Variants in RAD17 observed in about 807,000 individuals in gnomAD.
The protein encoded by RAD17 is RAD17 checkpoint clamp loader component.
In RAD17, 31 loss-of-function variants were observed where a neutral mutation model predicts 81.5. The ratio of observed to expected loss-of-function variants is 0.38; its 90% CI spans 0.29 to 0.51. RAD17 has a LOEUF of 0.51. RAD17 is among the 20% of genes least tolerant of loss of function. The pLI, the probability that RAD17 is intolerant of heterozygous loss-of-function variation, is 0.88. For missense variants in RAD17, 681 were observed against 781.2 expected, an observed-to-expected ratio of 0.87 and a Z score of 1.53; for synonymous variants, 261 against 266.2, an observed-to-expected ratio of 0.98 and a Z score of 0.19.
chr5:69,414,458 AGTAAAT>A lies in RAD17; in HGVS notation c.*167_*172del. ...GAAACCTACTCTTCTGTCATCTTGA[AGTAAAT>A]AGAAGATCAAGCCTTCAAATCTCTT... On this transcript the variant is annotated 3_prime_UTR_variant, in exon 19 of 19. Transcript: ENST00000354868. The A allele has an allele frequency of 1.2e-6, 1 of 801,976 alleles. No homozygotes were observed. Among genetic ancestry groups the A allele is most frequent in the South Asian group, 1.9e-5 (1 of 52,634 alleles). 49.7% of individuals were successfully genotyped at this position (801,976 alleles called of 1,614,324 possible).
intron 6 of RAD17, among the ~76,000 whole-genome samples, chr5:69,379,357 CTG>C (rs1400360796): frequency 4.6e-5 from 7 of 152,118 alleles, no homozygotes; most frequent in African/African-American, 1.2e-4. Context: ...AAGTCAGTGA[CTG>C]TGAGTGGTTA....
chr5:69,405,202 T>A (rs1366689232), intron 17 of RAD17, among the ~76,000 whole-genome samples: 1 of 151,956 alleles, frequency 6.6e-6, no homozygotes, highest in Non-Finnish European at 1.5e-5. Context: ...GTATGGAGGT[T>A]CCTTAAAAAA....
Position 69,371,529 on chromosome 5 carries a change from T to C in RAD17, c.-204T>C. 1 of 1,468,726 alleles carries C rather than the reference T, an allele frequency of 6.8e-7. No individual in the cohort carries two copies. Among genetic ancestry groups the C allele is most frequent in the Non-Finnish European group, 9.1e-7 (1 of 1,096,214 alleles). 91.0% of individuals were successfully genotyped at this position (1,468,726 alleles called of 1,614,324 possible). ...TTACAGTTTATAATGTCAAAAACTT[T>C]TCTTAGACCAAAGGTATCTTCCACA... On this transcript the variant is annotated 5_prime_UTR_variant, in exon 3 of 19. Coordinates refer to ENST00000354868, the MANE Select transcript of RAD17 (RefSeq NM_133338.3).
intron 6 of RAD17, among the ~76,000 whole-genome samples, chr5:69,380,336 T>G (rs1259607874): frequency 2.6e-5 from 4 of 152,198 alleles, no homozygotes; most frequent in African/African-American, 9.6e-5. Flanking sequence ...ACAGTAGGTG[T>G]GTGTACACCA....
At chr5:69,406,576 A>T (rs563154884) in intron 17 of RAD17, among the ~76,000 whole-genome samples, 1 of 152,180 alleles carries the variant, frequency 6.6e-6, no homozygotes, top group East Asian at 1.9e-4. Context: ...ATCACGGCTC[A>T]CTGCAGCCTA....
chr5:69,404,317 A>T (rs1451178661), intron 17 of RAD17, among the ~76,000 whole-genome samples: 1 of 152,246 alleles, frequency 6.6e-6, no homozygotes, highest in East Asian at 1.9e-4. Flanking sequence ...GCCAACCTAC[A>T]TAATGGGAGA....
intron 6 of RAD17, among the ~76,000 whole-genome samples, chr5:69,380,386 A>T (rs960759146): frequency 2.0e-5 from 3 of 152,176 alleles, no homozygotes; most frequent in Non-Finnish European, 4.4e-5. Flanking sequence ...CATTATTGTT[A>T]CTAGGAATTT....
In RAD17 at chr5:69,404,769, C is replaced by CA. The variant is rs35403077; in HGVS notation, c.1693+4614dup. On this transcript the variant is annotated intron_variant, in intron 17 of 18. Transcript: ENST00000354868. ...GGGCAACAAGAGCAAAATTCTGTTT[C>CA]AAAAAAAAAAAAAATAGATAAAATT... 4.8e-3 allele frequency among the ~76,000 whole-genome samples: 687 copies of CA among 142,866 alleles called. 18 individuals are homozygous for CA. The East Asian group carries it at 0.07, about 15-fold the overall frequency. 93.7% of individuals were successfully genotyped at this position (142,866 alleles called of 152,430 possible).
chr5:69,393,122 ATTATC>A, intron 13 of RAD17, 28 bp from the exon 14 acceptor site: 2 of 1,424,704 alleles, frequency 1.4e-6, no homozygotes, highest in South Asian at 1.2e-5. Flanking sequence ...TAAAGAAGGT[ATTATC>A]TTTAATAATT....
chr5:69,386,372 G>C (rs1764212665), intron 10 of RAD17, 24 bp from the exon 11 acceptor site: 1 of 1,582,658 alleles, frequency 6.3e-7, no homozygotes, highest in Non-Finnish European at 8.6e-7. Context: ...TCATTTAACT[G>C]CTATCTTTCT....
At chr5:69,383,117 G>A (rs891118174) in intron 7 of RAD17, among the ~76,000 whole-genome samples, 2 of 152,034 alleles carry the variant, frequency 1.3e-5, no homozygotes, top group African/African-American at 4.8e-5. Flanking sequence ...TACGTTATAA[G>A]TTCATGCATA....
chr5:69,403,458 C>G (rs1392669145), intron 17 of RAD17, among the ~76,000 whole-genome samples: 2 of 152,154 alleles, frequency 1.3e-5, no homozygotes, highest in Admixed American at 6.5e-5. Context: ...CCAACAGATT[C>G]ATCATGTCCA....
chr5:69,385,028 C>G, intron 8 of RAD17, 95 bp downstream of exon 8: 1 of 1,069,346 alleles, frequency 9.4e-7, no homozygotes, highest in South Asian at 1.8e-5. Context: ...GGCGCGATCT[C>G]AGCTCATTGC....
chr5:69,385,107 C>T (rs966066148), intron 8 of RAD17, among the ~76,000 whole-genome samples, 174 bp downstream of exon 8: 2 of 151,188 alleles, frequency 1.3e-5, no homozygotes. Flanking sequence ...CTACAGGCGC[C>T]CGCCACCACG....
At chr5:69,382,154 T>A (rs1763899156) in intron 7 of RAD17, 97 bp downstream of exon 7, 5 of 1,380,504 alleles carry the variant, frequency 3.6e-6, no homozygotes, top group Non-Finnish European at 5.0e-6. Context: ...TTCCCATACT[T>A]CTTGCTTTCA....
At chr5:69,381,850 C>G (rs2150800533) in intron 6 of RAD17, 51 bp from the exon 7 acceptor site, 1 of 1,295,774 alleles carries the variant, frequency 7.7e-7, no homozygotes, top group Non-Finnish European at 1.1e-6. Context: ...AAATAATATT[C>G]TAGCATTCCA....
At position 69,402,391 on chromosome 5, in the gene RAD17, C is replaced by T. The variant is rs529047917; in HGVS notation, c.1693+2222C>T. Reference sequence around the variant, plus strand: ...TATTTTGAAATTATTTCAGGCTGGGCGCAGTGGTTCACGCCTGTAATCCCA... The same window carrying T: ...TATTTTGAAATTATTTCAGGCTGGGTGCAGTGGTTCACGCCTGTAATCCCA... On this transcript the variant is annotated intron_variant, in intron 17 of 18. Transcript: ENST00000354868. Among the ~76,000 whole-genome samples, 9 of 151,802 alleles carry T rather than the reference C, an allele frequency of 5.9e-5. No homozygotes were observed. In the South Asian group the frequency reaches 1.2e-3, roughly 21 times the overall value.
chr5:69,408,544 C>T (rs1032489771), intron 17 of RAD17, among the ~76,000 whole-genome samples: 5 of 131,758 alleles, frequency 3.8e-5, no homozygotes, highest in South Asian at 2.4e-4. Context: ...GAAAGAGTCT[C>T]GCTCTGTCAC....
chr5:69,394,246 A>G (rs887966778), intron 15 of RAD17, among the ~76,000 whole-genome samples: 19 of 150,526 alleles, frequency 1.3e-4, no homozygotes, highest in African/African-American at 4.4e-4. Flanking sequence ...TCTTTGTTTT[A>G]GAGACAGGGT....
Sources: allele counts gnomAD v4.1 joint callset (sites outside exome capture counted in the v4.1 genomes callset), GRCh38; gene constraint gnomAD v4.1.1; transcripts MANE v1.5; gene names NCBI Gene and HGNC (gene_info 2026-07-23, HGNC 2026-07-21).